Variants in ZYG11B observed in about 807,000 individuals in gnomAD.
ZYG11B encodes the protein zyg-11 family member B, cell cycle regulator.
A neutral mutation model predicts 82.4 loss-of-function variants in ZYG11B; 36 were observed. The observed-to-expected ratio is 0.44, with a 90% CI of 0.33 to 0.58. The LOEUF (loss-of-function observed/expected upper bound fraction) is 0.58. Among genes scored for constraint, ZYG11B ranks in the 20% least tolerant of loss-of-function variants. The probability of loss-of-function intolerance (pLI) is 0.02; values close to 1 mark genes in which losing one functional copy is unlikely to be tolerated. For synonymous variants in ZYG11B, 303 were observed against 312.8 expected, an observed-to-expected ratio of 0.97 and a Z score of 0.33; for missense variants, 552 against 895.6, an observed-to-expected ratio of 0.62 and a Z score of 4.90.
chr1:52,773,612 TA>T, intron 3 of ZYG11B, among the ~76,000 whole-genome samples: 3 of 18,668 alleles, frequency 1.6e-4, no homozygotes, highest in South Asian at 1.3e-3. Context: ...TATATATATA[TA>T]TATATATATA....
At position 52,801,910 on chromosome 1, in the gene ZYG11B, A is replaced by G; in HGVS notation, c.1577A>G (p.Asp526Gly). ...FTLSALWNLTDESPTTCRHFI... is the reference protein window; with the variant it reads ...FTLSALWNLTGESPTTCRHFI... ...TTGAGTGCACTTTGGAACCTCACAG[A>G]TGAATCTCCAACCACTTGTAGACAC... Residue 526 changes from aspartate to glycine, a missense_variant, in exon 9 of 14, where the codon GAT becomes GGT. Around this residue, in one of 3 missense-constraint regions of ZYG11B, gnomAD observed 66 missense variants for 176.4 expected, o/e 0.37. Transcript: ENST00000294353. The G allele has an allele frequency of 6.2e-7, 1 of 1,613,408 alleles. No homozygotes were observed. Among genetic ancestry groups the G allele is most frequent in the Non-Finnish European group, 8.5e-7 (1 of 1,179,674 alleles).
rs1204461975 is a variant in ZYG11B at position 52,803,247 on chromosome 1, CACATAT to C, written c.1695+1110_1695+1115del. ...ATACACACATATATATATACACACA[CACATAT>C]ATATATATATATACACACACACACA... On this transcript the variant is annotated intron_variant, in intron 10 of 13. Transcript: ENST00000294353. Among the ~76,000 whole-genome samples, 18 of 54,264 alleles carry C rather than the reference CACATAT, an allele frequency of 3.3e-4. 2 individuals carry two copies. Among genetic ancestry groups the C allele is most frequent in the African/African-American group, 1.5e-3 (11 of 7,244 alleles). 35.6% of individuals were successfully genotyped at this position (54,264 alleles called of 152,430 possible).
intron 13 of ZYG11B, among the ~76,000 whole-genome samples, chr1:52,818,705 A>G (rs1645255658): frequency 6.6e-6 from 1 of 152,082 alleles, no homozygotes; most frequent in African/African-American, 2.4e-5. Context: ...GGGACATACT[A>G]TAAAGGGCCT....
intron 1 of ZYG11B, 33 bp from the exon 2 acceptor site, chr1:52,756,425 G>T (rs772916393): frequency 1.3e-6 from 2 of 1,587,822 alleles, no homozygotes; most frequent in Admixed American, 3.7e-5. Flanking sequence ...GTTGGTTTTT[G>T]TGTTTCTTTT....
intron 3 of ZYG11B, among the ~76,000 whole-genome samples, chr1:52,775,167 T>C (rs146390816): frequency 6.6e-6 from 1 of 152,238 alleles, no homozygotes; most frequent in Non-Finnish European, 1.5e-5. Flanking sequence ...TTCTAACTGT[T>C]GGAGAGTTCT....
intron 4 of ZYG11B, among the ~76,000 whole-genome samples, chr1:52,783,993 T>G (rs1240105955): frequency 1.8e-4 from 24 of 136,842 alleles, no homozygotes; most frequent in East Asian, 1.2e-3. Context: ...CACATATATA[T>G]ATATAGAGAG....
At chr1:52,805,091 CAAAAAAAAA>C (rs57893615) in intron 10 of ZYG11B, 26 of 112,338 alleles carry the variant, frequency 2.3e-4, no homozygotes, top group African/African-American at 5.0e-4. Flanking sequence ...AACTCTGTCT[CAAAAAAAAA>C]AAAAAAAAAA....
At chr1:52,817,804 T>TAC in intron 13 of ZYG11B, among the ~76,000 whole-genome samples, 1 of 50,630 alleles carries the variant, frequency 2.0e-5, no homozygotes, top group Non-Finnish European at 4.3e-5. Flanking sequence ...TATATATATA[T>TAC]ATATATATAT....
Position 52,779,910 on chromosome 1 carries a change from C to T in ZYG11B, c.1009C>T (p.Arg337Trp), listed in dbSNP as rs1378296438. The part of the protein sequence containing the change: ...IAEALKRYSE[R>W]AFFVREALFH... The stretch of plus-strand genomic sequence containing the variant: ...AGAAGCACTGAAGCGTTACAGTGAA[C>T]GGGCATTCTTTGTTCGGGAAGCTCT... The change falls in exon 4 of 14, where the codon CGG becomes TGG. Residue 337 changes from arginine (R) to tryptophan (W), a missense_variant. Transcript: ENST00000294353. 3.1e-6 allele frequency: 5 copies of T among 1,614,000 alleles called. No homozygotes were observed. Among genetic ancestry groups the T allele is most frequent in the Non-Finnish European group, 4.2e-6 (5 of 1,180,006 alleles).
intron 1 of ZYG11B, among the ~76,000 whole-genome samples, chr1:52,729,618 G>A (rs1644313561): frequency 6.6e-6 from 1 of 152,168 alleles, no homozygotes; most frequent in African/African-American, 2.4e-5. Context: ...TAGTTGAGAT[G>A]TTTAAGATGT....
chr1:52,815,525 T>C (rs1645216030), intron 12 of ZYG11B, among the ~76,000 whole-genome samples: 1 of 151,092 alleles, frequency 6.6e-6, no homozygotes. Flanking sequence ...GAGGCTAAGG[T>C]GGGAGAATCG....
intron 4 of ZYG11B, among the ~76,000 whole-genome samples, chr1:52,783,893 C>CATGTGTGTGTGTATGTATGTACATAT (rs74193327): frequency 2.4e-5 from 2 of 81,940 alleles, no homozygotes; most frequent in Non-Finnish European, 5.2e-5. Flanking sequence ...TATGTACATA[C>CATGTGTGTGTGTATGTATGTACATAT]ACGTGTGTGT....
At chr1:52,737,623 G>A (rs1644388847) in intron 1 of ZYG11B, among the ~76,000 whole-genome samples, 1 of 152,130 alleles carries the variant, frequency 6.6e-6, no homozygotes, top group African/African-American at 2.4e-5. Context: ...AAAATCAGCT[G>A]TGCGTGGTGG....
intron 1 of ZYG11B, among the ~76,000 whole-genome samples, chr1:52,732,835 G>A (rs1016356130): frequency 3.3e-5 from 5 of 152,042 alleles, no homozygotes; most frequent in South Asian, 2.1e-4. Flanking sequence ...TTAGCCGAGC[G>A]TGGTGGCGGG....
At chr1:52,772,544 C>T in intron 3 of ZYG11B, 1 of 1,610,512 alleles carries the variant, frequency 6.2e-7, no homozygotes, top group Non-Finnish European at 8.5e-7. Flanking sequence ...TGTAAATCTG[C>T]TCCTTCACGT....
intron 1 of ZYG11B, among the ~76,000 whole-genome samples, chr1:52,727,480 T>G (rs1571733302): frequency 6.6e-6 from 1 of 152,312 alleles, no homozygotes; most frequent in Admixed American, 6.5e-5. Flanking sequence ...TTGACAGAAA[T>G]AGCTAAAAAA....
intron 3 of ZYG11B, chr1:52,772,196 A>G: frequency 2.0e-6 from 3 of 1,474,246 alleles, no homozygotes; most frequent in Non-Finnish European, 2.8e-6. Context: ...AGACAAATTT[A>G]TGCGACCAGG....
At chr1:52,806,426 C>G (rs1424953142) in intron 10 of ZYG11B, among the ~76,000 whole-genome samples, 3 of 152,300 alleles carry the variant, frequency 2.0e-5, no homozygotes, top group East Asian at 3.9e-4. Context: ...TTTGAAATCT[C>G]TGACTGTAAT....
intron 1 of ZYG11B, among the ~76,000 whole-genome samples, chr1:52,741,315 A>AAAAAAAG (rs1553257617): frequency 1.1e-4 from 16 of 142,652 alleles, no homozygotes; most frequent in South Asian, 4.2e-4. Context: ...AAAAAAAAAA[A>AAAAAAAG]AAAAGAAAAG....
Sources: allele counts gnomAD v4.1 joint callset (sites outside exome capture counted in the v4.1 genomes callset), GRCh38; gene constraint gnomAD v4.1.1; regional missense constraint gnomAD v4.1.1; transcripts MANE v1.5; gene names NCBI Gene and HGNC (gene_info 2026-07-23, HGNC 2026-07-21).